Variants in NELL1 observed in about 807,000 individuals in gnomAD.
NELL1 encodes the protein protein kinase C-binding protein NELL1.
In NELL1, 76 loss-of-function variants were observed where a neutral mutation model predicts 107.4. That is an observed-to-expected ratio of 0.71 (90% confidence interval 0.59 to 0.86). NELL1 has a LOEUF of 0.86. Among genes scored for constraint, NELL1 ranks in the 40% least tolerant of loss-of-function variants. The probability of loss-of-function intolerance (pLI) is 0.00; values close to 1 mark genes in which losing one functional copy is unlikely to be tolerated. For synonymous variants in NELL1, 353 were observed against 341.2 expected, an observed-to-expected ratio of 1.03 and a Z score of -0.38; for missense variants, 1,024 against 1,005.5, an observed-to-expected ratio of 1.02 and a Z score of -0.25.
At chr11:20,917,882 G>A (rs939759694) in intron 5 of NELL1, among the ~76,000 whole-genome samples, 1 of 151,908 alleles carries the variant, frequency 6.6e-6, no homozygotes, top group African/African-American at 2.4e-5. Flanking sequence ...GATGATTAGG[G>A]CATTAAGGAG....
Position 20,908,555 on chromosome 11 carries a change from C to T in NELL1, c.604-9627C>T, listed in dbSNP as rs548911067. Among the ~76,000 whole-genome samples, 15 of 151,978 alleles carry T rather than the reference C, an allele frequency of 9.9e-5. No individual in the cohort carries two copies. The South Asian group carries it at 1.0e-3, about 11-fold the overall frequency. ...GAACATCACACACTGGGGCCTGTTG[C>T]GGGATGGGGGAAAGGGGAGGGAATT... On this transcript the variant is annotated intron_variant, in intron 5 of 19. Transcript: ENST00000357134.
At chr11:21,550,732 T>C (rs1156807065) in intron 16 of NELL1, among the ~76,000 whole-genome samples, 7 of 152,162 alleles carry the variant, frequency 4.6e-5, no homozygotes, top group Non-Finnish European at 8.8e-5. Context: ...CATGCTGTTT[T>C]GGTTACTGTA....
At chr11:20,863,974 G>C (rs959847494) in intron 4 of NELL1, among the ~76,000 whole-genome samples, 1 of 151,376 alleles carries the variant, frequency 6.6e-6, no homozygotes, top group Non-Finnish European at 1.5e-5. Flanking sequence ...CAGGCGTGGC[G>C]GCGCGCGCCT....
chr11:21,304,574 T>G (rs942943953), intron 14 of NELL1, among the ~76,000 whole-genome samples: 1 of 146,038 alleles, frequency 6.8e-6, no homozygotes, highest in African/African-American at 2.6e-5. Flanking sequence ...GTCTGTTTTT[T>G]TTTTTCTCTC....
chr11:20,742,820 G>A (rs186926478), intron 2 of NELL1, among the ~76,000 whole-genome samples: 4 of 152,238 alleles, frequency 2.6e-5, no homozygotes, highest in East Asian at 3.9e-4. Flanking sequence ...CCATATCACC[G>A]CCTTCTGCCC....
At chr11:20,796,737 T>C (rs183098701) in intron 3 of NELL1, among the ~76,000 whole-genome samples, 19 of 152,298 alleles carry the variant, frequency 1.2e-4, no homozygotes, top group Admixed American at 1.2e-3. Flanking sequence ...GATGCTGGGC[T>C]ACAATTGTGA....
Position 20,677,929 on chromosome 11 carries a change from C to T in NELL1, c.56-3C>T. On this transcript the variant is annotated splice_region_variant and splice_polypyrimidine_tract_variant and intron_variant, in intron 1 of 19. Coordinates refer to ENST00000357134, the MANE Select transcript of NELL1 (RefSeq NM_006157.5). Reference sequence around the variant, plus strand: ...GCCCAAACAACTCTTTGTTCCTTTCCAGTGGTGGGCTTTGGGATGGACCCT... The same window carrying T: ...GCCCAAACAACTCTTTGTTCCTTTCTAGTGGTGGGCTTTGGGATGGACCCT... 6.2e-7 allele frequency: 1 copy of T among 1,613,924 alleles called. No individual in the cohort carries two copies. Among genetic ancestry groups the T allele is most frequent in the African/African-American group, 1.3e-5 (1 of 75,036 alleles).
At chr11:21,334,582 C>G (rs1005983836) in intron 14 of NELL1, among the ~76,000 whole-genome samples, 1 of 151,870 alleles carries the variant, frequency 6.6e-6, no homozygotes, top group East Asian at 1.9e-4. Flanking sequence ...TTCTAAGTCC[C>G]TCTCTCTTTC....
chr11:20,877,309 T>C (rs1426562241), intron 4 of NELL1, among the ~76,000 whole-genome samples: 1 of 152,248 alleles, frequency 6.6e-6, no homozygotes, highest in Non-Finnish European at 1.5e-5. Context: ...ACTGTCTCAT[T>C]TGGGCTTCAT....
At chr11:21,117,542 C>T (rs554322587) in intron 13 of NELL1, among the ~76,000 whole-genome samples, 6 of 152,036 alleles carry the variant, frequency 3.9e-5, no homozygotes, top group Admixed American at 1.3e-4. Context: ...TTATAGTGAA[C>T]GTCAACTAAT....
At chr11:20,718,778 G>A (rs368272663) in intron 2 of NELL1, among the ~76,000 whole-genome samples, 9 of 152,184 alleles carry the variant, frequency 5.9e-5, no homozygotes, top group African/African-American at 7.2e-5. Context: ...TGAGGAGAAC[G>A]AGGGGCCAAA....
intron 2 of NELL1, among the ~76,000 whole-genome samples, chr11:20,740,434 C>G (rs144267846): frequency 9.8e-4 from 150 of 152,308 alleles, no homozygotes; most frequent in African/African-American, 3.5e-3. Context: ...TTGCTCCTCT[C>G]CTTTGGGGCA....
chr11:21,461,611 A>G (rs550056772), intron 15 of NELL1, among the ~76,000 whole-genome samples: 1 of 152,208 alleles, frequency 6.6e-6, no homozygotes, highest in Admixed American at 6.6e-5. Flanking sequence ...ATAGACTTTA[A>G]CTATAAAATC....
At chr11:20,752,325 G>A (rs1346688682) in intron 2 of NELL1, among the ~76,000 whole-genome samples, 1 of 152,138 alleles carries the variant, frequency 6.6e-6, no homozygotes, top group African/African-American at 2.4e-5. Context: ...CGAGGCAGGC[G>A]GATCACCTGA....
At chr11:21,256,608 C>T (rs529650437) in intron 14 of NELL1, among the ~76,000 whole-genome samples, 50 of 152,108 alleles carry the variant, frequency 3.3e-4, no homozygotes, top group African/African-American at 1.0e-3. Flanking sequence ...CTGCCAGTGA[C>T]CTAAAAATGC....
At position 20,766,186 on chromosome 11, in the gene NELL1, C is replaced by T. The variant is rs150772436; in HGVS notation, c.185-17494C>T. Among the ~76,000 whole-genome samples the T allele has an allele frequency of 5.7e-4, 87 of 152,314 alleles. 1 individual carries two copies. In the South Asian group the frequency reaches 6.0e-3, roughly 11 times the overall value. On this transcript the variant is annotated intron_variant, in intron 2 of 19. Coordinates refer to ENST00000357134, the MANE Select transcript of NELL1 (RefSeq NM_006157.5). ...ATGTCGAGAATGACCCTTCCCTGGG[C>T]CCCCTGTCAAAGCCCAAACACTGGG...
intron 3 of NELL1, among the ~76,000 whole-genome samples, chr11:20,805,084 A>G (rs561403397): frequency 6.6e-6 from 1 of 152,316 alleles, no homozygotes; most frequent in South Asian, 2.1e-4. Flanking sequence ...ATATAACTAT[A>G]GCTGCTCCTG....
chr11:20,901,636 C>CG (rs1422416048), intron 5 of NELL1, among the ~76,000 whole-genome samples: 2 of 150,586 alleles, frequency 1.3e-5, no homozygotes, highest in African/African-American at 4.9e-5. Context: ...CCAAGAATAA[C>CG]TAAGACATTT....
chr11:20,863,460 T>C (rs1181312561), intron 4 of NELL1, among the ~76,000 whole-genome samples: 2 of 124,356 alleles, frequency 1.6e-5, no homozygotes, highest in African/African-American at 2.9e-5. Flanking sequence ...GGCTCCTCAC[T>C]TCTCAGACGG....
Sources: allele counts gnomAD v4.1 joint callset (sites outside exome capture counted in the v4.1 genomes callset), GRCh38; gene constraint gnomAD v4.1.1; transcripts MANE v1.5; gene names NCBI Gene and HGNC (gene_info 2026-07-23, HGNC 2026-07-21).